MYBL2: variants seen among roughly 807,000 people sequenced by gnomAD.
MYBL2 encodes the protein myb-related protein B.
A neutral mutation model predicts 79.9 loss-of-function variants in MYBL2; 28 were observed. The observed-to-expected ratio is 0.35, with a 90% CI of 0.26 to 0.48. The LOEUF (loss-of-function observed/expected upper bound fraction) is 0.48, where lower values mean the gene tolerates loss of function less well. Ranked by LOEUF, MYBL2 falls within the 20% of genes least tolerant of loss-of-function variation. The probability of loss-of-function intolerance (pLI) is 0.99; values close to 1 mark genes in which losing one functional copy is unlikely to be tolerated. For missense variants in MYBL2, 735 were observed against 893.9 expected, an observed-to-expected ratio of 0.82 and a Z score of 2.27; for synonymous variants, 378 against 361.2, an observed-to-expected ratio of 1.05 and a Z score of -0.53.
intron 9 of MYBL2, among the ~76,000 whole-genome samples, chr20:43,705,806 T>C (rs1253015434): frequency 6.6e-6 from 1 of 152,124 alleles, no homozygotes; most frequent in Non-Finnish European, 1.5e-5. Context: ...GTTCATGCCA[T>C]TCTCCTGCCT....
Position 43,699,883 on chromosome 20 carries a change from G to A in MYBL2, c.790G>A (p.Val264Met). The stretch of plus-strand genomic sequence containing the variant: ...GCCCATCGGTACAGATCTGGACGCA[G>A]TGCGAACACCAGAGCCCTTGGAGGA... ...QEPIGTDLDAVRTPEPLEEFP... is the reference protein window; with the variant it reads ...QEPIGTDLDAMRTPEPLEEFP... The change falls in exon 7 of 14, where the codon GTG becomes ATG. Residue 264 changes from valine (V) to methionine (M), a missense_variant. This residue lies in a region of MYBL2 where 144 missense variants were observed against 131.9 expected (regional missense o/e 1.09). Coordinates refer to ENST00000217026, the MANE Select transcript of MYBL2 (RefSeq NM_002466.4). 6.2e-7 allele frequency: 1 copy of A among 1,614,076 alleles called. No individual in the cohort carries two copies. The highest frequency in any genetic ancestry group is 8.5e-7 in the Non-Finnish European group (1 of 1,179,986).
intron 2 of MYBL2, among the ~76,000 whole-genome samples, chr20:43,675,930 A>C: frequency 7.8e-6 from 1 of 128,188 alleles, no homozygotes; most frequent in Non-Finnish European, 1.7e-5. Flanking sequence ...TTTTTAAGGC[A>C]GTCTCTCTCT....
intron 2 of MYBL2, among the ~76,000 whole-genome samples, chr20:43,680,795 A>G (rs1987124815): frequency 6.6e-6 from 1 of 152,156 alleles, no homozygotes; most frequent in East Asian, 1.9e-4. Flanking sequence ...GCCTGGCTTG[A>G]CATTTTCTTT....
chr20:43,669,181 C>A (rs561493830), intron 1 of MYBL2, among the ~76,000 whole-genome samples: 1 of 152,180 alleles, frequency 6.6e-6, no homozygotes, highest in East Asian at 1.9e-4. Flanking sequence ...GGAGTGGCCT[C>A]GCGTTGTGTC....
At chr20:43,675,415 G>A (rs1266292555) in intron 2 of MYBL2, among the ~76,000 whole-genome samples, 1 of 151,770 alleles carries the variant, frequency 6.6e-6, no homozygotes, top group Non-Finnish European at 1.5e-5. Context: ...CTGGGTTCAA[G>A]CGATTCTCCT....
At chr20:43,687,145 C>CT in intron 5 of MYBL2, 73 bp downstream of exon 5, 1 of 1,483,400 alleles carries the variant, frequency 6.7e-7, no homozygotes, top group Non-Finnish European at 9.2e-7. Context: ...AGGAGGGTTC[C>CT]TGGGTGGGTA....
intron 2 of MYBL2, 34 bp from the exon 3 acceptor site, chr20:43,681,750 G>A (rs745869617): frequency 2.5e-6 from 4 of 1,611,360 alleles, no homozygotes; most frequent in South Asian, 1.1e-5. Context: ...CTGCACGTAT[G>A]TGTGCTGAGC....
In MYBL2 at chr20:43,674,822, G is replaced by A. The variant is rs967165390; in HGVS notation, c.114+923G>A. ...GCTGGGATTACAGGCATGAGTAACC[G>A]CACCCTGCCAACTCCCACTTTCTTT... On this transcript the variant is annotated intron_variant, in intron 2 of 13. Transcript: ENST00000217026. Among the ~76,000 whole-genome samples, 6 of 152,044 alleles carry A rather than the reference G, an allele frequency of 3.9e-5. 1 individual carries two copies. The highest frequency in any genetic ancestry group is 8.8e-5 in the Non-Finnish European group (6 of 68,000).
At chr20:43,673,570 A>T in intron 1 of MYBL2, 1 of 576,856 alleles carries the variant, frequency 1.7e-6, no homozygotes, top group Non-Finnish European at 3.3e-6. Context: ...CCAGGAGTTC[A>T]AGGCTGCAGT....
At chr20:43,679,912 CAA>C (rs3092365) in intron 2 of MYBL2, among the ~76,000 whole-genome samples, 265 of 143,966 alleles carry the variant, frequency 1.8e-3, no homozygotes, top group Non-Finnish European at 1.9e-3. Context: ...GACCCTATCT[CAA>C]AAAAAAAAAA....
At position 43,673,863 on chromosome 20, in the gene MYBL2, G is replaced by A. The variant is rs1986930547; in HGVS notation, c.78G>A (p.Arg26=). Residue 26 remains arginine (R), a synonymous_variant, in exon 2 of 14, where the codon AGG becomes AGA. Coordinates refer to ENST00000217026, the MANE Select transcript of MYBL2 (RefSeq NM_002466.4). The part of the protein sequence containing the change: ...QDTDSDVPEQ[R]DSKCKVKWTH... ...CAGATTCAGATGTGCCGGAGCAGAG[G>A]GATAGCAAGTGCAAGGTCAAATGGA... 2.6e-6 allele frequency: 4 copies of A among 1,555,456 alleles called. No individual in the cohort carries two copies. Among genetic ancestry groups the A allele is most frequent in the African/African-American group, 1.4e-5 (1 of 73,226 alleles).
At chr20:43,714,634 T>A (rs377196560) in intron 12 of MYBL2, among the ~76,000 whole-genome samples, 10 of 152,230 alleles carry the variant, frequency 6.6e-5, no homozygotes, top group African/African-American at 2.4e-4. Flanking sequence ...GTTCTTTGCT[T>A]AATTTTTTTT....
At chr20:43,688,062 G>A (rs1023803586) in intron 5 of MYBL2, among the ~76,000 whole-genome samples, 3 of 150,412 alleles carry the variant, frequency 2.0e-5, no homozygotes, top group African/African-American at 7.3e-5. Context: ...AGCATTCCAT[G>A]ATCTTTTCTC....
Position 43,680,259 on chromosome 20 carries a change from C to T in MYBL2, c.115-1525C>T, listed in dbSNP as rs1987113211. On this transcript the variant is annotated intron_variant, in intron 2 of 13. Coordinates refer to ENST00000217026, the MANE Select transcript of MYBL2 (RefSeq NM_002466.4). Reference sequence around the variant, plus strand: ...GCCAGGCTGGTCTCAAACTCCTGACCTCAGGTGATCCACCTGCCTCGGCCT... The same window carrying T: ...GCCAGGCTGGTCTCAAACTCCTGACTTCAGGTGATCCACCTGCCTCGGCCT... 5.9e-5 allele frequency among the ~76,000 whole-genome samples: 9 copies of T among 152,208 alleles called. No individual in the cohort carries two copies. In the South Asian group the frequency reaches 1.9e-3, roughly 32 times the overall value.
At position 43,710,067 on chromosome 20, in the gene MYBL2, G is replaced by A; in HGVS notation, c.1605+5G>A. On this transcript the variant is annotated splice_donor_5th_base_variant and intron_variant, in intron 10 of 13. Coordinates refer to ENST00000217026, the MANE Select transcript of MYBL2 (RefSeq NM_002466.4). ...TACGGACCCCTGAAGCCCCTGGTAC[G>A]TGGTGTGGTCGCTGCCGTGGATCTC... is the stretch of plus-strand genomic sequence containing the variant. 2.5e-6 allele frequency: 4 copies of A among 1,596,322 alleles called. No homozygotes were observed. Among genetic ancestry groups the A allele is most frequent in the Admixed American group, 1.7e-5 (1 of 58,070 alleles).
chr20:43,678,721 GGTT>G (rs906649750), intron 2 of MYBL2, among the ~76,000 whole-genome samples: 3 of 151,960 alleles, frequency 2.0e-5, no homozygotes, highest in Non-Finnish European at 2.9e-5. Context: ...AGCTGGGTGT[GGTT>G]GTGGGCACCT....
At chr20:43,673,716 C>T in intron 1 of MYBL2, 90 bp from the exon 2 acceptor site, 3 of 1,251,818 alleles carry the variant, frequency 2.4e-6, no homozygotes, top group South Asian at 2.4e-5. Flanking sequence ...AGACCTTTCC[C>T]TAGGGTGGGC....
chr20:43,676,462 C>T (rs770881681), intron 2 of MYBL2, among the ~76,000 whole-genome samples: 5 of 152,182 alleles, frequency 3.3e-5, no homozygotes, highest in Admixed American at 6.6e-5. Flanking sequence ...ACATTCTTTG[C>T]GTCTGGCTTT....
intron 4 of MYBL2, among the ~76,000 whole-genome samples, chr20:43,685,720 A>G (rs567397034): frequency 4.6e-5 from 7 of 152,048 alleles, no homozygotes; most frequent in South Asian, 2.1e-4. Flanking sequence ...GCCCCACTGC[A>G]CCCCAGCCTG....
Sources: allele counts gnomAD v4.1 joint callset (sites outside exome capture counted in the v4.1 genomes callset), GRCh38; gene constraint gnomAD v4.1.1; regional missense constraint gnomAD v4.1.1; transcripts MANE v1.5; gene names NCBI Gene and HGNC (gene_info 2026-07-23, HGNC 2026-07-21).